DLGAP1: variants seen among roughly 807,000 people sequenced by gnomAD.
DLGAP1 encodes the protein disks large-associated protein 1.
DLGAP1 carries 11 observed loss-of-function variants against 90.8 expected under a neutral mutation model. The observed-to-expected ratio is 0.12, with a 90% CI of 0.08 to 0.20. The LOEUF (loss-of-function observed/expected upper bound fraction) is 0.20. Ranked by LOEUF, DLGAP1 falls within the 10% of genes least tolerant of loss-of-function variation. The pLI is 1.00. For synonymous variants in DLGAP1, 558 were observed against 540.7 expected (o/e 1.03, Z -0.44); for missense variants, 1,050 against 1,333.8 (o/e 0.79, Z 3.31).
intron 10 of DLGAP1, among the ~76,000 whole-genome samples, chr18:3,523,626 T>A (rs1429674949): frequency 6.6e-6 from 1 of 150,814 alleles, no homozygotes; most frequent in African/African-American, 2.4e-5. Context: ...GGAGGGCGGA[T>A]CACGAGGTCA....
intron 7 of DLGAP1, among the ~76,000 whole-genome samples, chr18:3,707,458 G>C (rs2061469195): frequency 6.6e-6 from 1 of 152,090 alleles, no homozygotes; most frequent in Non-Finnish European, 1.5e-5. Flanking sequence ...ATATTAGCCA[G>C]ATGTGGTGGT....
intron 3 of DLGAP1, among the ~76,000 whole-genome samples, chr18:3,971,114 C>T (rs185592468): frequency 1.6e-4 from 24 of 152,332 alleles, no homozygotes; most frequent in African/African-American, 4.1e-4. Flanking sequence ...TGCCTTCTTT[C>T]GGTAGCTACA....
chr18:4,288,444 T>C (rs923671404), intron 1 of DLGAP1, among the ~76,000 whole-genome samples: 10 of 152,316 alleles, frequency 6.6e-5, no homozygotes, highest in Middle Eastern at 3.4e-3. Context: ...GGCTGTTATA[T>C]GTTCGTTTCT....
intron 7 of DLGAP1, among the ~76,000 whole-genome samples, chr18:3,639,526 A>T (rs1407205760): frequency 6.6e-6 from 1 of 152,148 alleles, no homozygotes; most frequent in Admixed American, 6.5e-5. Context: ...ATTGGCGGTC[A>T]CGGGGCTAGA....
chr18:4,137,161 C>T (rs560142170), intron 2 of DLGAP1, among the ~76,000 whole-genome samples: 3 of 151,832 alleles, frequency 2.0e-5, no homozygotes, highest in East Asian at 1.9e-4. Flanking sequence ...TTTGGTTTTT[C>T]GTCCTTGCGA....
At chr18:4,219,513 G>A (rs1315622457) in intron 1 of DLGAP1, among the ~76,000 whole-genome samples, 1 of 151,736 alleles carries the variant, frequency 6.6e-6, no homozygotes, top group African/African-American at 2.4e-5. Flanking sequence ...TTATTTTGTT[G>A]CCTGTGCTTT....
chr18:3,768,313 A>G (rs777073222), intron 5 of DLGAP1, among the ~76,000 whole-genome samples: 4 of 152,180 alleles, frequency 2.6e-5, no homozygotes, highest in Non-Finnish European at 4.4e-5. Flanking sequence ...ATTTTAATAA[A>G]TGGAGACACA....
chr18:3,936,768 T>C (rs746038187), intron 3 of DLGAP1, among the ~76,000 whole-genome samples: 2 of 152,174 alleles, frequency 1.3e-5, no homozygotes, highest in Non-Finnish European at 2.9e-5. Flanking sequence ...CACAAAATGA[T>C]TCACAATTTG....
chr18:4,421,929 GTTTCGAACTCC>G (rs1277029631), intron 1 of DLGAP1, among the ~76,000 whole-genome samples: 1 of 151,990 alleles, frequency 6.6e-6, no homozygotes, highest in Non-Finnish European at 1.5e-5. Flanking sequence ...GGCCAGGCTG[GTTTCGAACTCC>G]TGACCTCAAG....
rs59736264 is a variant in DLGAP1 at position 3,692,451 on chromosome 18, G to A, written c.1591+36684C>T. Among the ~76,000 whole-genome samples, 525 of 152,286 alleles carry A rather than the reference G, an allele frequency of 3.4e-3. 4 individuals carry two copies. Among genetic ancestry groups the A allele is most frequent in the African/African-American group, 0.012 (500 of 41,552 alleles). The stretch of plus-strand genomic sequence containing the variant: ...GTTTATCCTTTTACCAGGCATCAGA[G>A]TGTCTTGTGACAATGTACACAATGG... On this transcript the variant is annotated intron_variant, in intron 7 of 12. Coordinates refer to ENST00000315677, the MANE Select transcript of DLGAP1 (RefSeq NM_004746.4).
intron 7 of DLGAP1, among the ~76,000 whole-genome samples, chr18:3,674,402 T>C (rs2146796505): frequency 6.6e-6 from 1 of 151,466 alleles, no homozygotes; most frequent in East Asian, 1.9e-4. Flanking sequence ...GACAATCATT[T>C]GAGGCCAGGA....
Position 3,720,888 on chromosome 18 carries a change from C to CAA in DLGAP1, c.1591+8245_1591+8246dup, listed in dbSNP as rs1186426563. ...GCAACATACTAAGACCTTGTCTCTA[C>CAA]AAAAAAAAAAAAAAAAAAAAATTAG... On this transcript the variant is annotated intron_variant, in intron 7 of 12. Coordinates refer to ENST00000315677, the MANE Select transcript of DLGAP1 (RefSeq NM_004746.4). Among the ~76,000 whole-genome samples the CAA allele has an allele frequency of 3.2e-4, 16 of 50,302 alleles. No homozygotes were observed. In the East Asian group the frequency reaches 4.6e-3, roughly 15 times the overall value. The allele number at this position is 50,302 out of a possible 152,430, so 33.0% of individuals were successfully genotyped here.
chr18:3,572,069 G>GTTT (rs67491547), intron 8 of DLGAP1, among the ~76,000 whole-genome samples: 8 of 105,620 alleles, frequency 7.6e-5, no homozygotes, highest in Non-Finnish European at 1.1e-4. Flanking sequence ...TTTCTTCTAG[G>GTTT]TTTTTTTTTT....
At chr18:4,057,004 TACACACACACAC>T (rs55887550) in intron 2 of DLGAP1, among the ~76,000 whole-genome samples, 16,168 of 115,010 alleles carry the variant, frequency 0.14, 1,040 homozygotes, top group East Asian at 0.3. Context: ...TGACCATACA[TACACACACACAC>T]ACACACACAC....
At chr18:3,897,998 G>A (rs368961055) in intron 3 of DLGAP1, among the ~76,000 whole-genome samples, 4,207 of 151,934 alleles carry the variant, frequency 0.028, 94 homozygotes, top group African/African-American at 0.069. Flanking sequence ...GTTTCACCTT[G>A]TTAGCCAGGA....
intron 7 of DLGAP1, among the ~76,000 whole-genome samples, chr18:3,702,634 T>A (rs960712310): frequency 2.6e-5 from 4 of 152,154 alleles, no homozygotes; most frequent in Non-Finnish European, 1.5e-5. Context: ...ATCTTAGAAG[T>A]AATCAGATAC....
intron 2 of DLGAP1, among the ~76,000 whole-genome samples, chr18:4,101,522 C>T (rs2075777768): frequency 6.6e-6 from 1 of 152,074 alleles, no homozygotes; most frequent in African/African-American, 2.4e-5. Flanking sequence ...ACAAAGTAGG[C>T]ACATGCTATT....
intron 1 of DLGAP1, among the ~76,000 whole-genome samples, chr18:4,278,459 T>G (rs1707632266): frequency 6.6e-6 from 1 of 152,120 alleles, no homozygotes; most frequent in South Asian, 2.1e-4. Flanking sequence ...CTCTTCCCAG[T>G]CTCCAGTGAT....
At chr18:3,844,287 C>T (rs528738001) in intron 4 of DLGAP1, among the ~76,000 whole-genome samples, 65 of 152,222 alleles carry the variant, frequency 4.3e-4, no homozygotes, top group Non-Finnish European at 8.5e-4. Flanking sequence ...GCAGCAAGCC[C>T]GAATGTCTGA....
Sources: allele counts gnomAD v4.1 joint callset (sites outside exome capture counted in the v4.1 genomes callset), GRCh38; gene constraint gnomAD v4.1.1; transcripts MANE v1.5; gene names NCBI Gene and HGNC (gene_info 2026-07-23, HGNC 2026-07-21).